Variants in KCNAB1 observed in about 807,000 individuals in gnomAD.
The protein encoded by KCNAB1 is potassium voltage-gated channel subfamily A regulatory beta subunit 1, also known as voltage-gated potassium channel subunit beta-1.
Under a neutral mutation model 64.6 loss-of-function variants are expected in KCNAB1, and 35 were observed. The ratio of observed to expected loss-of-function variants is 0.54; its 90% CI spans 0.41 to 0.72. The LOEUF (loss-of-function observed/expected upper bound fraction) is 0.72. KCNAB1 is among the 30% of genes least tolerant of loss of function. The probability of loss-of-function intolerance (pLI) is 0.00; values close to 1 mark genes in which losing one functional copy is unlikely to be tolerated. For synonymous variants in KCNAB1, 177 were observed against 183.8 expected, an observed-to-expected ratio of 0.96 and a Z score of 0.30; for missense variants, 401 against 512.9, an observed-to-expected ratio of 0.78 and a Z score of 2.11.
intron 8 of KCNAB1, among the ~76,000 whole-genome samples, chr3:156,477,292 T>C (rs1430964427): frequency 6.6e-6 from 1 of 152,200 alleles, no homozygotes; most frequent in Non-Finnish European, 1.5e-5. Flanking sequence ...TAGTTTCTTA[T>C]ATACAATTCC....
At chr3:156,498,424 T>C (rs1002631025) in intron 8 of KCNAB1, among the ~76,000 whole-genome samples, 1 of 152,138 alleles carries the variant, frequency 6.6e-6, no homozygotes, top group African/African-American at 2.4e-5. Flanking sequence ...GTTCTCATGA[T>C]GGTAAATGAG....
intron 13 of KCNAB1, among the ~76,000 whole-genome samples, chr3:156,535,768 T>C (rs769442537): frequency 4.7e-5 from 7 of 150,526 alleles, no homozygotes; most frequent in African/African-American, 1.2e-4. Context: ...TAAGGCCCTA[T>C]TGCCTGGCTT....
intron 1 of KCNAB1, among the ~76,000 whole-genome samples, chr3:156,418,897 A>G (rs941088859): frequency 3.3e-5 from 5 of 152,254 alleles, no homozygotes; most frequent in Admixed American, 6.5e-5. Context: ...GTGGGGACCT[A>G]TCACCACTAT....
At chr3:156,180,637 G>T (rs1056876552) in intron 1 of KCNAB1, among the ~76,000 whole-genome samples, 1 of 152,012 alleles carries the variant, frequency 6.6e-6, no homozygotes, top group African/African-American at 2.4e-5. Flanking sequence ...TCCAATAACT[G>T]CTTTTTGAAT....
At chr3:156,425,735 T>A (rs529509688) in intron 2 of KCNAB1, among the ~76,000 whole-genome samples, 1 of 152,310 alleles carries the variant, frequency 6.6e-6, no homozygotes, top group Admixed American at 6.5e-5. Flanking sequence ...GAGCCTGCCC[T>A]CAAATTTATC....
At chr3:156,365,665 G>T (rs750480347) in intron 1 of KCNAB1, among the ~76,000 whole-genome samples, 1 of 152,090 alleles carries the variant, frequency 6.6e-6, no homozygotes, top group Non-Finnish European at 1.5e-5. Flanking sequence ...TAGTGATTTG[G>T]GGACAAATCA....
At chr3:156,166,085 A>G (rs1711547033) in intron 1 of KCNAB1, among the ~76,000 whole-genome samples, 1 of 152,234 alleles carries the variant, frequency 6.6e-6, no homozygotes, top group Admixed American at 6.5e-5. Context: ...ACATTTGTAT[A>G]TTACAAGAGA....
chr3:156,342,336 A>G (rs549061759), intron 1 of KCNAB1, among the ~76,000 whole-genome samples: 1 of 152,210 alleles, frequency 6.6e-6, no homozygotes, highest in Non-Finnish European at 1.5e-5. Context: ...TATCATCTTA[A>G]TCCGAGGGAG....
intron 8 of KCNAB1, among the ~76,000 whole-genome samples, chr3:156,498,285 AT>A (rs776817084): frequency 6.6e-6 from 1 of 152,180 alleles, no homozygotes; most frequent in Non-Finnish European, 1.5e-5. Flanking sequence ...CATCTTGCTT[AT>A]GCCTGGATAT....
intron 8 of KCNAB1, among the ~76,000 whole-genome samples, chr3:156,506,071 A>C (rs1716816068): frequency 6.6e-6 from 1 of 152,136 alleles, no homozygotes; most frequent in South Asian, 2.1e-4. Context: ...TTGGTATTTA[A>C]TTTTTTGTGG....
chr3:156,481,487 A>G (rs1258278485), intron 8 of KCNAB1, among the ~76,000 whole-genome samples: 2 of 151,528 alleles, frequency 1.3e-5, no homozygotes, highest in East Asian at 3.9e-4. Context: ...CTGCAAATTC[A>G]CCAAAAATTT....
intron 7 of KCNAB1, among the ~76,000 whole-genome samples, chr3:156,465,956 T>A (rs865925973): frequency 2.0e-5 from 3 of 152,200 alleles, no homozygotes; most frequent in African/African-American, 7.2e-5. Flanking sequence ...TAAGACTTTT[T>A]AAAAGAGCTT....
At chr3:156,423,266 T>C (rs1364748271) in intron 2 of KCNAB1, among the ~76,000 whole-genome samples, 1 of 152,092 alleles carries the variant, frequency 6.6e-6, no homozygotes, top group Non-Finnish European at 1.5e-5. Context: ...GGAAATCCTT[T>C]TGAGAGGAAA....
intron 1 of KCNAB1, among the ~76,000 whole-genome samples, chr3:156,297,142 C>T (rs1241396094): frequency 6.6e-6 from 1 of 152,070 alleles, no homozygotes; most frequent in Non-Finnish European, 1.5e-5. Context: ...TTTCTGTCCA[C>T]ATCCACTCCC....
In KCNAB1 at chr3:156,417,374, G is replaced by A. The variant is rs188952600; in HGVS notation, c.276-4242G>A. Among the ~76,000 whole-genome samples, 7 of 152,300 alleles carry A rather than the reference G, an allele frequency of 4.6e-5. No homozygotes were observed. In the East Asian group the frequency reaches 1.2e-3, roughly 25 times the overall value. On this transcript the variant is annotated intron_variant, in intron 1 of 13. Coordinates refer to ENST00000490337, the MANE Select transcript of KCNAB1 (RefSeq NM_172160.3). ...ACCAGGTCAAACCCAGCTTGTTTCT[G>A]CCAGCCTGACACAGCTGCTGGAGCC... is the stretch of plus-strand genomic sequence containing the variant.
At chr3:156,308,001 A>G (rs1299084748) in intron 1 of KCNAB1, among the ~76,000 whole-genome samples, 1 of 152,224 alleles carries the variant, frequency 6.6e-6, no homozygotes, top group Non-Finnish European at 1.5e-5. Context: ...TATATTGTAG[A>G]AGAGGAGAAA....
chr3:156,482,132 C>G (rs1714864873), intron 8 of KCNAB1, among the ~76,000 whole-genome samples: 1 of 151,612 alleles, frequency 6.6e-6, no homozygotes, highest in Admixed American at 6.6e-5. Context: ...CCTTTTTTTC[C>G]TCCTAAAATT....
At chr3:156,484,768 G>T (rs1008144928) in intron 8 of KCNAB1, among the ~76,000 whole-genome samples, 3 of 152,054 alleles carry the variant, frequency 2.0e-5, no homozygotes, top group East Asian at 3.9e-4. Flanking sequence ...ATACCCTCGA[G>T]TCTCTCTCTT....
At chr3:156,328,172 G>A (rs1233053856) in intron 1 of KCNAB1, among the ~76,000 whole-genome samples, 3 of 152,154 alleles carry the variant, frequency 2.0e-5, no homozygotes, top group African/African-American at 7.2e-5. Flanking sequence ...CATGTCGTTT[G>A]CAGTGGGATA....
Sources: gnomAD v4.1 joint callset for allele counts (sites outside exome capture counted in the v4.1 genomes callset) on GRCh38, gnomAD v4.1.1 for gene constraint, MANE v1.5 for transcripts, NCBI Gene and HGNC (gene_info 2026-07-23, HGNC 2026-07-21) for gene names.